Variants in NBEA observed in about 807,000 individuals in gnomAD.
NBEA encodes neurobeachin, also known as lysosomal-trafficking regulator 2.
Under a neutral mutation model 343.4 loss-of-function variants are expected in NBEA, and 44 were observed. That is an observed-to-expected ratio of 0.13 (90% CI 0.10 to 0.16). The LOEUF is 0.16. Among genes scored for constraint, NBEA ranks in the 10% least tolerant of loss-of-function variants. NBEA has a pLI of 1.00. For missense variants in NBEA, 2,555 were observed against 3,631.3 expected (o/e 0.70, Z 7.62); for synonymous variants, 1,175 against 1,238.7 (o/e 0.95, Z 1.08).
chr13:35,221,577 A>T (rs1290856911), intron 33 of NBEA, among the ~76,000 whole-genome samples: 1 of 152,158 alleles, frequency 6.6e-6, no homozygotes, highest in African/African-American at 2.4e-5. Context: ...CTGAAAGATT[A>T]TAAACATAAT....
At chr13:35,338,553 G>A (rs906478844) in intron 36 of NBEA, among the ~76,000 whole-genome samples, 9 of 151,998 alleles carry the variant, frequency 5.9e-5, no homozygotes, top group African/African-American at 2.2e-4. Context: ...AGAATCAACA[G>A]CAGTCCTTCT....
At chr13:35,055,405 G>C (rs188965583) in intron 6 of NBEA, among the ~76,000 whole-genome samples, 18 of 151,640 alleles carry the variant, frequency 1.2e-4, no homozygotes, top group African/African-American at 4.1e-4. Context: ...TTCCCACATT[G>C]TTATTAAATA....
intron 31 of NBEA, among the ~76,000 whole-genome samples, chr13:35,197,406 A>G (rs1392676501): frequency 6.6e-6 from 1 of 152,168 alleles, no homozygotes. Flanking sequence ...AAAAAATAAT[A>G]TCTATTCCAT....
chr13:35,476,718 T>C, intron 41 of NBEA: 1 of 1,065,362 alleles, frequency 9.4e-7, no homozygotes, highest in South Asian at 3.3e-5. Flanking sequence ...GTGTGGAAAT[T>C]ATAAAGGCAG....
intron 49 of NBEA, among the ~76,000 whole-genome samples, chr13:35,632,598 CT>C (rs1288892642): frequency 6.6e-6 from 1 of 151,910 alleles, no homozygotes; most frequent in African/African-American, 2.4e-5. Flanking sequence ...AACCTCACCC[CT>C]CCCCTTGTAT....
intron 38 of NBEA, among the ~76,000 whole-genome samples, chr13:35,426,471 G>C (rs1399142452): frequency 6.6e-6 from 1 of 151,996 alleles, no homozygotes; most frequent in Non-Finnish European, 1.5e-5. Flanking sequence ...TGTTGAATTG[G>C]CCCCCACTCT....
At chr13:35,010,674 G>A (rs536708442) in intron 1 of NBEA, among the ~76,000 whole-genome samples, 24 of 139,100 alleles carry the variant, frequency 1.7e-4, no homozygotes, top group Admixed American at 5.3e-4. Context: ...AGTTGAGTCC[G>A]GGAATGGGAA....
chr13:35,281,842 CTG>C (rs2035071859), intron 34 of NBEA, among the ~76,000 whole-genome samples: 1 of 151,932 alleles, frequency 6.6e-6, no homozygotes, highest in South Asian at 2.1e-4. Context: ...TAGTTTGAAA[CTG>C]TATACAAATT....
intron 28 of NBEA, among the ~76,000 whole-genome samples, chr13:35,180,717 G>C (rs567126453): frequency 2.2e-4 from 34 of 151,740 alleles, no homozygotes; most frequent in Admixed American, 9.2e-4. Context: ...AGTAGTATTT[G>C]AATACACGAG....
chr13:35,205,361 A>T (rs149417844), intron 31 of NBEA, among the ~76,000 whole-genome samples: 44 of 152,316 alleles, frequency 2.9e-4, no homozygotes, highest in African/African-American at 1.0e-3. Flanking sequence ...ACTGGAATTC[A>T]TAAAAATTAT....
chr13:35,341,094 T>G (rs1171804167), intron 36 of NBEA, among the ~76,000 whole-genome samples: 1 of 152,036 alleles, frequency 6.6e-6, no homozygotes, highest in East Asian at 1.9e-4. Flanking sequence ...CATATACTTA[T>G]GGTCAATTTA....
At chr13:35,563,816 G>A (rs1028239796) in intron 44 of NBEA, among the ~76,000 whole-genome samples, 12 of 151,504 alleles carry the variant, frequency 7.9e-5, no homozygotes, top group African/African-American at 2.2e-4. Context: ...TTGTGTATAC[G>A]TGTGTGTGTA....
At chr13:35,561,639 C>T (rs1178644252) in intron 44 of NBEA, among the ~76,000 whole-genome samples, 1 of 152,048 alleles carries the variant, frequency 6.6e-6, no homozygotes, top group Non-Finnish European at 1.5e-5. Flanking sequence ...TCACTTTTCT[C>T]CTTTCTAGAT....
intron 8 of NBEA, among the ~76,000 whole-genome samples, chr13:35,067,174 GAAGA>G (rs1428907578): frequency 6.6e-6 from 1 of 152,094 alleles, no homozygotes; most frequent in Non-Finnish European, 1.5e-5. Flanking sequence ...GAAGCTGAGA[GAAGA>G]AAGATACAGT....
intron 38 of NBEA, among the ~76,000 whole-genome samples, chr13:35,378,950 T>A (rs1181177489): frequency 6.6e-6 from 1 of 152,166 alleles, no homozygotes; most frequent in African/African-American, 2.4e-5. Context: ...TTTGTGACAT[T>A]CATTGATATT....
At chr13:35,469,210 C>G (rs1387451335) in intron 40 of NBEA, among the ~76,000 whole-genome samples, 1 of 151,582 alleles carries the variant, frequency 6.6e-6, no homozygotes, top group East Asian at 1.9e-4. Flanking sequence ...TCTAAACCCA[C>G]AAGTATTTAA....
intron 34 of NBEA, among the ~76,000 whole-genome samples, chr13:35,278,861 ACATGG>A (rs2034834219): frequency 1.3e-5 from 2 of 152,004 alleles, no homozygotes; most frequent in African/African-American, 4.8e-5. Flanking sequence ...CTTTCCCATA[ACATGG>A]AATTTGCTAC....
At position 35,665,202 on chromosome 13, in the gene NBEA, T is replaced by G. The variant is rs200559320; in HGVS notation, c.8464+16T>G. The G allele has an allele frequency of 1.1e-4, 164 of 1,550,976 alleles. 1 individual carries two copies. In the South Asian group the frequency reaches 1.8e-3, roughly 17 times the overall value. On this transcript the variant is annotated intron_variant, in intron 56 of 58. Transcript: ENST00000379939. Reference sequence around the variant, plus strand: ...GGTGCTAAAGGTCAGAAGTCATTTCTTTCATTTTCAATGTCTAGAAGATGA... The same window carrying G: ...GGTGCTAAAGGTCAGAAGTCATTTCGTTCATTTTCAATGTCTAGAAGATGA...
chr13:35,576,475 T>C (rs2080746885), intron 45 of NBEA, among the ~76,000 whole-genome samples: 1 of 152,154 alleles, frequency 6.6e-6, no homozygotes, highest in African/African-American at 2.4e-5. Context: ...AAATATAAAG[T>C]TACTATAGTT....
Sources: allele counts gnomAD v4.1 joint callset (sites outside exome capture counted in the v4.1 genomes callset), GRCh38; gene constraint gnomAD v4.1.1; transcripts MANE v1.5; gene names NCBI Gene and HGNC (gene_info 2026-07-23, HGNC 2026-07-21).